Variants in KIF20B observed in about 807,000 individuals in gnomAD.
The protein encoded by KIF20B is kinesin family member 20B, also known as kinesin-like protein KIF20B.
Under a neutral mutation model 232.5 loss-of-function variants are expected in KIF20B, and 188 were observed. That is an observed-to-expected ratio of 0.81 (90% CI 0.72 to 0.91). The LOEUF is 0.91. Ranked by LOEUF, KIF20B falls within the 40% of genes least tolerant of loss-of-function variation. The pLI is 0.00. For synonymous variants in KIF20B, 712 were observed against 683.0 expected, an observed-to-expected ratio of 1.04 and a Z score of -0.66; for missense variants, 2,154 against 2,055.9, an observed-to-expected ratio of 1.05 and a Z score of -0.92.
chr10:89,764,296 T>C (rs1159896507), intron 29 of KIF20B, among the ~76,000 whole-genome samples: 1 of 152,100 alleles, frequency 6.6e-6, no homozygotes, highest in East Asian at 1.9e-4. Flanking sequence ...CAGTCTATCA[T>C]TGTTGGACAT....
chr10:89,710,490 A>G (rs1162018099), intron 5 of KIF20B, among the ~76,000 whole-genome samples: 1 of 152,086 alleles, frequency 6.6e-6, no homozygotes, highest in Non-Finnish European at 1.5e-5. Context: ...TGGCCTTCCA[A>G]AGTGCTTGGA....
chr10:89,726,638 T>A, intron 16 of KIF20B, 117 bp downstream of exon 16: 2 of 795,896 alleles, frequency 2.5e-6, no homozygotes, highest in Non-Finnish European at 3.6e-6. Context: ...TTCTTTCATC[T>A]AGGTAACATA....
intron 14 of KIF20B, 108 bp from the exon 15 acceptor site, chr10:89,724,912 G>A: frequency 9.2e-7 from 1 of 1,083,680 alleles, no homozygotes; most frequent in Non-Finnish European, 1.3e-6. Flanking sequence ...ACTGTACCTG[G>A]ACTAAATTTT....
chr10:89,765,813 A>G (rs1458067303), intron 29 of KIF20B, among the ~76,000 whole-genome samples: 2 of 152,134 alleles, frequency 1.3e-5, no homozygotes, highest in Admixed American at 6.6e-5. Context: ...TTTCTTTAAG[A>G]ATGTTGAATA....
At chr10:89,726,972 AT>A (rs772897647) in intron 16 of KIF20B, among the ~76,000 whole-genome samples, 2,794 of 142,190 alleles carry the variant, frequency 0.02, 74 homozygotes, top group African/African-American at 0.064. Flanking sequence ...CAGCGGCTGC[AT>A]TTTTTTTTTT....
intron 26 of KIF20B, among the ~76,000 whole-genome samples, chr10:89,757,870 C>G (rs1017604985): frequency 1.3e-5 from 2 of 151,342 alleles, no homozygotes; most frequent in Non-Finnish European, 3.0e-5. Context: ...TGTTCCAGCC[C>G]CATTTATTGG....
At chr10:89,746,001 T>G in intron 23 of KIF20B, 42 bp downstream of exon 23, 21 of 1,457,262 alleles carry the variant, frequency 1.4e-5, no homozygotes, top group South Asian at 2.3e-5. Context: ...AAAAGTTCTC[T>G]TATTCCCCTC....
In KIF20B at chr10:89,774,514, CTT is replaced by C. The variant is rs1445914956; in HGVS notation, c.*468_*469del. The C allele has an allele frequency of 6.6e-6, 1 of 151,896 alleles. No individual in the cohort carries two copies. The highest frequency in any genetic ancestry group is 1.5e-5 in the Non-Finnish European group (1 of 67,912). 9.4% of individuals were successfully genotyped at this position (151,896 alleles called of 1,614,324 possible). A position where few individuals can be genotyped will look rare whatever the true frequency, so the allele number is the denominator to read the frequency against. ...ACATTATTTAGAAAAGATCTCAAGT[CTT>C]TAATTAGAATGTCTCACTTATTTTG... On this transcript the variant is annotated 3_prime_UTR_variant, in exon 33 of 33. Coordinates refer to ENST00000371728, the MANE Select transcript of KIF20B (RefSeq NM_001284259.2).
intron 26 of KIF20B, among the ~76,000 whole-genome samples, chr10:89,757,040 G>GTATATGTATATATATATATA (rs1842139624): frequency 9.0e-6 from 1 of 110,748 alleles, no homozygotes; most frequent in Non-Finnish European, 1.8e-5. Flanking sequence ...GTGTGTGTGT[G>GTATATGTATATATATATATA]TATATATATA....
At chr10:89,731,576 C>T (rs890690487) in intron 18 of KIF20B, among the ~76,000 whole-genome samples, 3 of 152,072 alleles carry the variant, frequency 2.0e-5, no homozygotes, top group Non-Finnish European at 2.9e-5. Flanking sequence ...CTTTTTCTAC[C>T]CAAGCATACC....
chr10:89,728,935 GTGTGTGTGTGTGTA>G (rs778707873), intron 17 of KIF20B, among the ~76,000 whole-genome samples, 179 bp from the exon 18 acceptor site: 6,366 of 140,596 alleles, frequency 0.045, 398 homozygotes, highest in African/African-American at 0.16. Flanking sequence ...GTGTGTGTGT[GTGTGTGTGTGTGTA>G]TGTAATTTTT....
chr10:89,705,272 G>T lies in KIF20B; in HGVS notation c.-1-22G>T, dbSNP rs1346041001. ...ATGCTGACTTATTAAGGTTGTTAAA[G>T]AAGTTGCTGTTATTCTTGCAGAATG... On this transcript the variant is annotated intron_variant, in intron 1 of 32. Coordinates refer to ENST00000371728, the MANE Select transcript of KIF20B (RefSeq NM_001284259.2). 4 of 1,610,724 alleles carry T rather than the reference G, an allele frequency of 2.5e-6. No individual in the cohort carries two copies. The Admixed American group carries it at 6.7e-5, about 27-fold the overall frequency.
At position 89,738,146 on chromosome 10, in the gene KIF20B, T is replaced by G; in HGVS notation, c.3305T>G (p.Leu1102Arg). The G allele has an allele frequency of 6.5e-7, 1 of 1,531,812 alleles. No homozygotes were observed. The highest frequency in any genetic ancestry group is 8.7e-7 in the Non-Finnish European group (1 of 1,151,690). The allele number at this position is 1,531,812 out of a possible 1,614,324, so 94.9% of individuals were successfully genotyped here. Reference protein sequence around the residue: ...VKGYKDENNRLKEKEHKNQDD... With the variant: ...VKGYKDENNRRKEKEHKNQDD... The stretch of plus-strand genomic sequence containing the variant: ...GGCTATAAGGATGAAAACAATAGAC[T>G]AAAGGAGAAGGAGCATAAAAACCAA... The change falls in exon 20 of 33, where the codon CTA becomes CGA. Residue 1102 changes from leucine (L) to arginine (R), a missense_variant. By Grantham distance (102) the Leu-to-Arg change is moderately radical. Coordinates refer to ENST00000371728, the MANE Select transcript of KIF20B (RefSeq NM_001284259.2).
At chr10:89,719,065 A>G (rs3758386) in intron 12 of KIF20B, among the ~76,000 whole-genome samples, 193 bp downstream of exon 12, 4,095 of 152,294 alleles carry the variant, frequency 0.027, 361 homozygotes, top group East Asian at 0.27. Flanking sequence ...TTTAGTAATA[A>G]GAATTAGTAA....
intron 27 of KIF20B, 146 bp from the exon 28 acceptor site, chr10:89,760,380 C>T (rs2133164864): frequency 1.7e-6 from 1 of 583,536 alleles, no homozygotes; most frequent in East Asian, 3.0e-5. Flanking sequence ...AATAGGAGGG[C>T]TAGGTGGTAA....
At chr10:89,704,680 C>T (rs528367146) in intron 1 of KIF20B, among the ~76,000 whole-genome samples, 1 of 152,022 alleles carries the variant, frequency 6.6e-6, no homozygotes, top group African/African-American at 2.4e-5. Flanking sequence ...TTCAGCCTCC[C>T]GAGTAGCTGG....
Position 89,719,501 on chromosome 10 carries a change from G to A in KIF20B, c.1517G>A (p.Ser506Asn), listed in dbSNP as rs775671805. The change falls in exon 13 of 33, where the codon AGT becomes AAT. Residue 506 changes from serine to asparagine, a missense_variant. By Grantham distance (46) the Ser-to-Asn change is conservative (BLOSUM62 1). Coordinates refer to ENST00000371728, the MANE Select transcript of KIF20B (RefSeq NM_001284259.2). ...VKSSQDVSLDSNSNSKILNVK... is the reference protein window; with the variant it reads ...VKSSQDVSLDNNSNSKILNVK... ...TCTTCTCAAGATGTATCACTAGACAGTAATTCAAACAGTAAAATATTAAAT... is the reference window on the plus strand; with the variant it reads ...TCTTCTCAAGATGTATCACTAGACAATAATTCAAACAGTAAAATATTAAAT... 94 of 1,609,208 alleles carry A rather than the reference G, an allele frequency of 5.8e-5. No homozygotes were observed. The highest frequency in any genetic ancestry group is 7.6e-5 in the Non-Finnish European group (89 of 1,176,150).
intron 18 of KIF20B, among the ~76,000 whole-genome samples, chr10:89,730,969 T>C (rs1007090281): frequency 3.9e-5 from 6 of 152,086 alleles, no homozygotes; most frequent in Admixed American, 3.3e-4. Context: ...GACTTCGATT[T>C]ACGGTAGTAG....
At chr10:89,757,069 T>TATATATATACAC (rs138088478) in intron 26 of KIF20B, among the ~76,000 whole-genome samples, 29 of 134,362 alleles carry the variant, frequency 2.2e-4, no homozygotes, top group African/African-American at 7.7e-4. Context: ...TATATATATA[T>TATATATATACAC]ACACACATGA....
Sources: gnomAD v4.1 joint callset for allele counts (sites outside exome capture counted in the v4.1 genomes callset) on GRCh38, gnomAD v4.1.1 for gene constraint, MANE v1.5 for transcripts, NCBI Gene and HGNC (gene_info 2026-07-23, HGNC 2026-07-21) for gene names.